Variants in MITF observed in about 807,000 individuals in gnomAD.
MITF encodes melanocyte inducing transcription factor, also known as microphthalmia-associated transcription factor.
MITF carries 17 observed loss-of-function variants against 60.5 expected under a neutral mutation model. The observed-to-expected ratio is 0.28, with a 90% CI of 0.19 to 0.42. The LOEUF (loss-of-function observed/expected upper bound fraction) is 0.42, where lower values mean the gene tolerates loss of function less well. Ranked by LOEUF, MITF falls within the 10% of genes least tolerant of loss-of-function variation. The pLI, the probability that MITF is intolerant of heterozygous loss-of-function variation, is 1.00. For synonymous variants in MITF, 260 were observed against 248.5 expected (o/e 1.05, Z -0.43); for missense variants, 622 against 683.5 (o/e 0.91, Z 1.00).
At chr3:69,830,983 G>C (rs1017108706) in intron 1 of MITF, among the ~76,000 whole-genome samples, 1 of 152,046 alleles carries the variant, frequency 6.6e-6, no homozygotes, top group Non-Finnish European at 1.5e-5. Flanking sequence ...CAAAGTGTTT[G>C]TGGATAAGAC....
At chr3:69,773,717 T>G (rs979600585) in intron 1 of MITF, among the ~76,000 whole-genome samples, 1 of 152,182 alleles carries the variant, frequency 6.6e-6, no homozygotes, top group African/African-American at 2.4e-5. Flanking sequence ...CTTAAAAAAT[T>G]TTCCATAAAC....
chr3:69,834,227 T>C (rs1575788542), intron 1 of MITF, among the ~76,000 whole-genome samples: 1 of 152,176 alleles, frequency 6.6e-6, no homozygotes, highest in East Asian at 1.9e-4. Context: ...TTAACTACAG[T>C]CACTGTACTG....
Position 69,885,889 on chromosome 3 carries a change from T to A in MITF, c.354+6506T>A, listed in dbSNP as rs1003306451. The stretch of plus-strand genomic sequence containing the variant: ...CCCAGGAAAACTGTTATGAGAACAA[T>A]CATGATCAGCAAGTGCCAGCATTGA... On this transcript the variant is annotated intron_variant, in intron 2 of 9. Transcript: ENST00000352241. Among the ~76,000 whole-genome samples the A allele has an allele frequency of 6.4e-4, 97 of 152,110 alleles. 1 individual carries two copies. The highest frequency in any genetic ancestry group is 1.5e-5 in the Non-Finnish European group (1 of 67,994).
chr3:69,756,662 G>C (rs1704161399), intron 1 of MITF, among the ~76,000 whole-genome samples: 2 of 152,172 alleles, frequency 1.3e-5, no homozygotes, highest in Admixed American at 1.3e-4. Flanking sequence ...TAATGGGATT[G>C]CTGGGTCAAA....
At chr3:69,805,215 C>T (rs1167301861) in intron 1 of MITF, among the ~76,000 whole-genome samples, 16 of 152,036 alleles carry the variant, frequency 1.1e-4, no homozygotes, top group Non-Finnish European at 2.2e-4. Context: ...TCTTAACCTC[C>T]TCTCCATTTG....
intron 1 of MITF, among the ~76,000 whole-genome samples, chr3:69,859,429 C>T (rs1299969776): frequency 6.6e-6 from 1 of 152,142 alleles, no homozygotes; most frequent in Non-Finnish European, 1.5e-5. Flanking sequence ...ATATCCCTGT[C>T]TTCTTTATCT....
intron 9 of MITF, 67 bp from the exon 10 acceptor site, chr3:69,964,780 G>T (rs1358112523): frequency 9.9e-6 from 15 of 1,515,030 alleles, no homozygotes; most frequent in Non-Finnish European, 1.0e-5. Context: ...ATATAGAGTG[G>T]TTTCACAGGC....
intron 2 of MITF, among the ~76,000 whole-genome samples, chr3:69,911,955 G>A (rs2065234029): frequency 6.6e-6 from 1 of 152,180 alleles, no homozygotes. Flanking sequence ...AGACAAACAT[G>A]GGGATGTTCA....
At chr3:69,883,114 A>G in intron 2 of MITF, among the ~76,000 whole-genome samples, 1 of 152,160 alleles carries the variant, frequency 6.6e-6, no homozygotes, top group Non-Finnish European at 1.5e-5. Context: ...AGGTTGCATG[A>G]ATTTTAAAAG....
chr3:69,820,629 T>C (rs944154662), intron 1 of MITF, among the ~76,000 whole-genome samples: 1 of 152,198 alleles, frequency 6.6e-6, no homozygotes, highest in Non-Finnish European at 1.5e-5. Context: ...TTTGTAAACC[T>C]AGGGGATGTG....
chr3:69,919,833 G>GT (rs2065422215), intron 2 of MITF, among the ~76,000 whole-genome samples: 1 of 151,774 alleles, frequency 6.6e-6, no homozygotes, highest in African/African-American at 2.4e-5. Flanking sequence ...TTTTGTTGCT[G>GT]TTTTTTGTTG....
At chr3:69,910,950 G>T (rs776256136) in intron 2 of MITF, among the ~76,000 whole-genome samples, 36 of 152,166 alleles carry the variant, frequency 2.4e-4, no homozygotes, top group Non-Finnish European at 4.0e-4. Context: ...CATGAGATTT[G>T]GAGGGGCCAG....
intron 1 of MITF, among the ~76,000 whole-genome samples, chr3:69,840,535 C>T (rs563282268): frequency 6.6e-6 from 1 of 152,124 alleles, no homozygotes; most frequent in Non-Finnish European, 1.5e-5. Flanking sequence ...AGATTGGCAC[C>T]TCTTCTGCCA....
At position 69,888,987 on chromosome 3, in the gene MITF, C is replaced by A. The variant is rs190234952; in HGVS notation, c.354+9604C>A. On this transcript the variant is annotated intron_variant, in intron 2 of 9. Coordinates refer to ENST00000352241, the MANE Select transcript of MITF (RefSeq NM_001354604.2). ...TGATTTGATGGAATTTAATTTGAATCCTTCGTCTGGTAAGACAGGCTGTAG... is the reference window on the plus strand; with the variant it reads ...TGATTTGATGGAATTTAATTTGAATACTTCGTCTGGTAAGACAGGCTGTAG... Among the ~76,000 whole-genome samples, 602 of 142,640 alleles carry A rather than the reference C, an allele frequency of 4.2e-3. 1 individual carries two copies. Among genetic ancestry groups the A allele is most frequent in the Non-Finnish European group, 6.7e-3 (449 of 66,664 alleles). 93.6% of individuals were successfully genotyped at this position (142,640 alleles called of 152,430 possible).
chr3:69,935,988 C>A (rs974941378), intron 2 of MITF, among the ~76,000 whole-genome samples: 1 of 152,070 alleles, frequency 6.6e-6, no homozygotes, highest in Non-Finnish European at 1.5e-5. Flanking sequence ...ATATTTATTT[C>A]TTATTATCCA....
intron 1 of MITF, among the ~76,000 whole-genome samples, chr3:69,871,505 A>G (rs558198755): frequency 1.3e-5 from 2 of 152,228 alleles, no homozygotes; most frequent in Non-Finnish European, 2.9e-5. Context: ...TATAAATGCC[A>G]TGTGGCCACC....
At chr3:69,922,500 G>T (rs764393939) in intron 2 of MITF, among the ~76,000 whole-genome samples, 1 of 152,152 alleles carries the variant, frequency 6.6e-6, no homozygotes, top group Non-Finnish European at 1.5e-5. Flanking sequence ...GATTACAGGA[G>T]TGAGCCACCA....
At chr3:69,763,296 C>T (rs148369613) in intron 1 of MITF, among the ~76,000 whole-genome samples, 88 of 152,142 alleles carry the variant, frequency 5.8e-4, no homozygotes, top group African/African-American at 1.8e-3. Context: ...CCTTTCCTTG[C>T]GAGGATTATT....
chr3:69,911,913 T>C (rs2065233413), intron 2 of MITF, among the ~76,000 whole-genome samples: 1 of 152,168 alleles, frequency 6.6e-6, no homozygotes, highest in African/African-American at 2.4e-5. Flanking sequence ...TGATTCCACC[T>C]CAGGGCTTAC....
Sources: gnomAD v4.1 joint callset for allele counts (sites outside exome capture counted in the v4.1 genomes callset) on GRCh38, gnomAD v4.1.1 for gene constraint, MANE v1.5 for transcripts, NCBI Gene and HGNC (gene_info 2026-07-23, HGNC 2026-07-21) for gene names.